Variants in ITGBL1 observed in about 807,000 individuals in gnomAD.
ITGBL1 encodes integrin beta-like protein 1.
ITGBL1 carries 51 observed loss-of-function variants against 68.5 expected under a neutral mutation model. That is an observed-to-expected ratio of 0.74 (90% CI 0.59 to 0.94). The LOEUF is 0.94. Among genes scored for constraint, ITGBL1 ranks in the 40% least tolerant of loss-of-function variants. ITGBL1 has a pLI of 0.00. For missense variants in ITGBL1, 649 were observed against 647.4 expected (o/e 1.00, Z -0.03); for synonymous variants, 209 against 227.3 (o/e 0.92, Z 0.72).
At chr13:101,593,890 G>T (rs1472915841) in intron 6 of ITGBL1, among the ~76,000 whole-genome samples, 1 of 151,964 alleles carries the variant, frequency 6.6e-6, no homozygotes, top group East Asian at 1.9e-4. Context: ...ATTATAATTA[G>T]AAAATAATTA....
At chr13:101,468,009 C>T (rs577961748) in intron 2 of ITGBL1, among the ~76,000 whole-genome samples, 14 of 152,148 alleles carry the variant, frequency 9.2e-5, no homozygotes, top group African/African-American at 2.9e-4. Flanking sequence ...AAAATGAAAA[C>T]GTGGTAAATG....
At chr13:101,497,807 G>A (rs1383921976) in intron 2 of ITGBL1, among the ~76,000 whole-genome samples, 1 of 151,972 alleles carries the variant, frequency 6.6e-6, no homozygotes. Flanking sequence ...GATGTGGAGG[G>A]GCTCTTCAAG....
intron 2 of ITGBL1, among the ~76,000 whole-genome samples, chr13:101,562,559 C>T (rs906825745): frequency 1.3e-5 from 2 of 151,542 alleles, no homozygotes; most frequent in South Asian, 4.2e-4. Flanking sequence ...GGCTTTAGGA[C>T]AAGAAATAAT....
chr13:101,703,139 C>A (rs1325770637), intron 8 of ITGBL1, among the ~76,000 whole-genome samples: 1 of 150,314 alleles, frequency 6.7e-6, no homozygotes, highest in African/African-American at 2.5e-5. Flanking sequence ...TAACTATATA[C>A]CATGAGATGG....
chr13:101,527,153 G>A (rs1461710644), intron 2 of ITGBL1, among the ~76,000 whole-genome samples: 1 of 151,918 alleles, frequency 6.6e-6, no homozygotes, highest in African/African-American at 2.4e-5. Flanking sequence ...ACACTTTAGT[G>A]CATATTGCCC....
intron 3 of ITGBL1, among the ~76,000 whole-genome samples, chr13:101,569,400 C>A (rs895919455): frequency 1.3e-5 from 2 of 152,100 alleles, no homozygotes; most frequent in African/African-American, 4.8e-5. Context: ...AGAAGTGTTT[C>A]AGTAGATGAT....
At chr13:101,585,653 A>G (rs1297647092) in intron 6 of ITGBL1, among the ~76,000 whole-genome samples, 1 of 152,002 alleles carries the variant, frequency 6.6e-6, no homozygotes, top group African/African-American at 2.4e-5. Flanking sequence ...GATGGTCTCA[A>G]TCTCCTGACC....
chr13:101,717,102 A>G (rs2034753133), downstream of ITGBL1: 1 of 152,096 alleles, frequency 6.6e-6, no homozygotes, highest in Non-Finnish European at 1.5e-5. Flanking sequence ...TAAGATGAAA[A>G]TTTTTACTTG....
intron 7 of ITGBL1, among the ~76,000 whole-genome samples, chr13:101,627,189 T>C (rs1230394765): frequency 6.6e-6 from 1 of 152,228 alleles, no homozygotes; most frequent in Non-Finnish European, 1.5e-5. Context: ...GATTCCTCTT[T>C]CATGTAATTT....
chr13:101,697,810 A>G (rs1177051129), intron 8 of ITGBL1, among the ~76,000 whole-genome samples: 1 of 152,222 alleles, frequency 6.6e-6, no homozygotes, highest in Non-Finnish European at 1.5e-5. Flanking sequence ...AATGCCCTGT[A>G]TCTGTAATAA....
chr13:101,505,302 T>A (rs1293341044), intron 2 of ITGBL1, among the ~76,000 whole-genome samples: 1 of 152,180 alleles, frequency 6.6e-6, no homozygotes, highest in Non-Finnish European at 1.5e-5. Flanking sequence ...TAAATGGAAT[T>A]TTTTTAACCT....
chr13:101,679,253 C>A (rs2033583494), intron 7 of ITGBL1, among the ~76,000 whole-genome samples: 1 of 152,202 alleles, frequency 6.6e-6, no homozygotes, highest in African/African-American at 2.4e-5. Flanking sequence ...TCAACGACAA[C>A]ACTTTCTTTC....
intron 2 of ITGBL1, among the ~76,000 whole-genome samples, chr13:101,486,800 A>G (rs1272222074): frequency 1.3e-5 from 2 of 152,158 alleles, no homozygotes; most frequent in Admixed American, 6.5e-5. Flanking sequence ...TATTCAGTCA[A>G]TGCATGTTTG....
chr13:101,712,279 A>G (rs1000791653), intron 9 of ITGBL1: 3 of 152,188 alleles, frequency 2.0e-5, no homozygotes, highest in African/African-American at 7.2e-5. Flanking sequence ...GACACATACA[A>G]AATCAATCCT....
chr13:101,630,652 C>G (rs771459421), intron 7 of ITGBL1, among the ~76,000 whole-genome samples: 5 of 152,134 alleles, frequency 3.3e-5, no homozygotes, highest in African/African-American at 7.2e-5. Flanking sequence ...GTGATTTTCC[C>G]TTATTCATTT....
chr13:101,567,702 A>G lies in ITGBL1; in HGVS notation c.320A>G (p.His107Arg). ...ETYDGSTCAG[H>R]GKCDCGKCKC... is the part of the protein sequence containing the mutation. Reference sequence around the variant, plus strand: ...CTAGATGTTGTTCAATCCCCAGGCCATGGTAAGTGTGACTGTGGCAAGTGC... The same window carrying G: ...CTAGATGTTGTTCAATCCCCAGGCCGTGGTAAGTGTGACTGTGGCAAGTGC... Residue 107 changes from histidine (H) to arginine (R), a missense_variant, in exon 3 of 11, where the codon CAT (histidine) becomes CGT (arginine). By Grantham distance (29) the His-to-Arg change is conservative (BLOSUM62 0). Transcript: ENST00000376180. 6.2e-7 allele frequency: 1 copy of G among 1,612,630 alleles called. No individual in the cohort carries two copies. Among genetic ancestry groups the G allele is most frequent in the Non-Finnish European group, 8.5e-7 (1 of 1,179,162 alleles).
chr13:101,490,351 C>G (rs907465644), intron 2 of ITGBL1, among the ~76,000 whole-genome samples: 5 of 152,148 alleles, frequency 3.3e-5, no homozygotes, highest in African/African-American at 1.2e-4. Flanking sequence ...AAATAAATGT[C>G]AATTGTTTAA....
rs559226457 is a variant in ITGBL1, at chr13:101,605,597, C to T, written c.1015+7298C>T. Among the ~76,000 whole-genome samples the T allele has an allele frequency of 6.0e-5, 9 of 149,656 alleles. No homozygotes were observed. The South Asian group carries it at 8.5e-4, about 14-fold the overall frequency. On this transcript the variant is annotated intron_variant, in intron 7 of 10. Transcript: ENST00000376180. ...ATATATACACGTATTTAGACACGTA[C>T]GTGTGTATATGCGTATATATATACA...
intron 2 of ITGBL1, among the ~76,000 whole-genome samples, chr13:101,565,881 A>G (rs1351140063): frequency 2.0e-5 from 3 of 151,992 alleles, no homozygotes; most frequent in Admixed American, 6.6e-5. Context: ...GTCAATTTGG[A>G]AGGGATGGAT....
Sources: allele counts gnomAD v4.1 joint callset (sites outside exome capture counted in the v4.1 genomes callset), GRCh38; gene constraint gnomAD v4.1.1; transcripts MANE v1.5; gene names NCBI Gene and HGNC (gene_info 2026-07-23, HGNC 2026-07-21).